EML6: variants seen among roughly 807,000 people sequenced by gnomAD.
EML6 encodes the protein EMAP like 6.
In EML6, 154 loss-of-function variants were observed where a neutral mutation model predicts 240.1. The ratio of observed to expected loss-of-function variants is 0.64; its 90% confidence interval spans 0.56 to 0.73. The LOEUF (loss-of-function observed/expected upper bound fraction) is 0.73, where lower values mean the gene tolerates loss of function less well. EML6 is among the 30% of genes least tolerant of loss of function. The pLI is 0.00. For missense variants in EML6, 2,964 were observed against 2,474.6 expected, an observed-to-expected ratio of 1.20 and a Z score of -4.20; for synonymous variants, 1,148 against 899.0, an observed-to-expected ratio of 1.28 and a Z score of -4.95.
intron 22 of EML6, among the ~76,000 whole-genome samples, chr2:54,902,642 A>G (rs1355941719): frequency 2.0e-5 from 3 of 152,150 alleles, no homozygotes; most frequent in Non-Finnish European, 2.9e-5. Flanking sequence ...CAAGCAATCC[A>G]CCTGCCTTGG....
At chr2:54,723,612 C>A (rs1360862724), upstream of EML6, 1 of 152,278 alleles carries the variant, frequency 6.6e-6, no homozygotes, top group Non-Finnish European at 1.5e-5. Context: ...CGTTGTGGCC[C>A]CGCCCCCGGA....
intron 2 of EML6, among the ~76,000 whole-genome samples, chr2:54,794,284 C>T (rs1432128108): frequency 6.6e-6 from 1 of 152,144 alleles, no homozygotes; most frequent in East Asian, 1.9e-4. Context: ...TACTCAAGTC[C>T]CTGTTAATGT....
At chr2:54,867,948 C>G (rs987841027) in intron 14 of EML6, 2 of 152,144 alleles carry the variant, frequency 1.3e-5, no homozygotes, top group Non-Finnish European at 2.9e-5. Context: ...GGTCCTAAGA[C>G]TCTAACTCAG....
chr2:54,728,684 C>T (rs1160736646), intron 2 of EML6, among the ~76,000 whole-genome samples: 2 of 152,088 alleles, frequency 1.3e-5, no homozygotes, highest in Non-Finnish European at 2.9e-5. Context: ...GGGCCTGGCC[C>T]TTAGTTGGTG....
In EML6 at chr2:54,724,131, G is replaced by A. The variant is rs1426481575; in HGVS notation, c.-514+354G>A. Among the ~76,000 whole-genome samples, 1 of 152,172 alleles carries A rather than the reference G, an allele frequency of 6.6e-6. No homozygotes were observed. The highest frequency in any genetic ancestry group is 1.9e-4 in the East Asian group (1 of 5,182). On this transcript the variant is annotated intron_variant, in intron 1 of 41. Coordinates refer to ENST00000356458, the MANE Select transcript of EML6 (RefSeq NM_001039753.4). The surrounding 1 kb of genome is among the most constrained non-coding windows in gnomAD (Gnocchi z 5.2). ...TAGCGCACTCCCTCCGACTGCACTA[G>A]TGCCTCGTTTCTTCCGAGTAAGACA...
At chr2:54,862,664 G>T (rs1481670634) in intron 12 of EML6, among the ~76,000 whole-genome samples, 1 of 152,114 alleles carries the variant, frequency 6.6e-6, no homozygotes, top group Non-Finnish European at 1.5e-5. Context: ...CCAAATCTAG[G>T]AAGCGCAAAG....
At chr2:54,782,503 A>G (rs1052730669) in intron 2 of EML6, among the ~76,000 whole-genome samples, 5 of 152,128 alleles carry the variant, frequency 3.3e-5, no homozygotes, top group Non-Finnish European at 7.4e-5. Context: ...TACTTCTTAG[A>G]TCTTGTTCTT....
At chr2:54,968,537 G>A in intron 40 of EML6, 131 bp from the exon 41 acceptor site, 2 of 684,346 alleles carry the variant, frequency 2.9e-6, no homozygotes, top group Admixed American at 2.5e-5. Context: ...GCTAATAGAT[G>A]AGTCCAGACC....
intron 24 of EML6, 60 bp downstream of exon 24, chr2:54,903,562 C>A: frequency 6.0e-6 from 8 of 1,325,216 alleles, no homozygotes; most frequent in East Asian, 6.8e-5. Context: ...TCCATTTATG[C>A]ATTGTTTCTA....
intron 2 of EML6, among the ~76,000 whole-genome samples, chr2:54,790,165 AAG>A (rs1288711568): frequency 2.0e-5 from 3 of 152,228 alleles, no homozygotes; most frequent in Non-Finnish European, 4.4e-5. Context: ...TGATTTTTAT[AAG>A]AGAGATTGAA....
Position 54,964,143 on chromosome 2 carries a change from C to G in EML6, c.5315C>G (p.Ala1772Gly). The G allele has an allele frequency of 1.3e-6, 2 of 1,551,574 alleles. No individual in the cohort carries two copies. The highest frequency in any genetic ancestry group is 1.7e-6 in the Non-Finnish European group (2 of 1,146,926). ...VWGKKRDRKS[A>G]IQDIRISPDN... The stretch of plus-strand genomic sequence containing the variant: ...GGGAAAAAACGAGACCGGAAATCTG[C>G]TATCCAAGATATCAGGTACCTAAGT... Residue 1772 changes from alanine (A) to glycine (G), a missense_variant, in exon 37 of 42, where the codon GCT becomes GGT. By Grantham distance (60) the Ala-to-Gly change is moderately conservative (BLOSUM62 0). Coordinates refer to ENST00000356458, the MANE Select transcript of EML6 (RefSeq NM_001039753.4).
At chr2:54,833,517 A>G (rs1462401488) in intron 7 of EML6, among the ~76,000 whole-genome samples, 1 of 152,198 alleles carries the variant, frequency 6.6e-6, no homozygotes, top group Non-Finnish European at 1.5e-5. Context: ...CAGTAAAAAC[A>G]ATTAACCCCA....
At chr2:54,935,873 T>G (rs1231134643) in intron 28 of EML6, among the ~76,000 whole-genome samples, 1 of 151,962 alleles carries the variant, frequency 6.6e-6, no homozygotes, top group Non-Finnish European at 1.5e-5. Flanking sequence ...CAAACAAAAT[T>G]TAAAAAATTA....
intron 7 of EML6, among the ~76,000 whole-genome samples, chr2:54,839,948 GTTA>G (rs2103642336): frequency 6.6e-6 from 1 of 152,262 alleles, no homozygotes; most frequent in East Asian, 1.9e-4. Context: ...CAGGTTGTGG[GTTA>G]TTATAATCTT....
At chr2:54,865,586 G>A (rs568023540) in intron 13 of EML6, among the ~76,000 whole-genome samples, 1 of 152,198 alleles carries the variant, frequency 6.6e-6, no homozygotes, top group Admixed American at 6.5e-5. Flanking sequence ...GTAAGTACTG[G>A]TTTGATGCTC....
At chr2:54,874,345 T>C (rs1573044494) in intron 16 of EML6, among the ~76,000 whole-genome samples, 1 of 152,198 alleles carries the variant, frequency 6.6e-6, no homozygotes, top group African/African-American at 2.4e-5. Context: ...AATCAGATAC[T>C]CTGGAGGAGG....
At chr2:54,895,432 C>G (rs1258156903) in intron 21 of EML6, 32 bp downstream of exon 21, 1 of 1,549,390 alleles carries the variant, frequency 6.5e-7, no homozygotes, top group Non-Finnish European at 8.7e-7. Context: ...AACTGCAGTT[C>G]ACATCAAGGC....
chr2:54,826,151 T>A (rs1046371858), intron 5 of EML6, among the ~76,000 whole-genome samples: 1 of 152,214 alleles, frequency 6.6e-6, no homozygotes, highest in African/African-American at 2.4e-5. Flanking sequence ...CTAACCCCAT[T>A]GAACCCTTAT....
chr2:54,752,365 T>C (rs1684215235), intron 2 of EML6, among the ~76,000 whole-genome samples: 1 of 152,160 alleles, frequency 6.6e-6, no homozygotes, highest in African/African-American at 2.4e-5. Flanking sequence ...TGATGAAATT[T>C]AGCAAGGTTA....
Sources: gnomAD v4.1 joint callset for allele counts (sites outside exome capture counted in the v4.1 genomes callset) on GRCh38, gnomAD v4.1.1 for gene constraint, Gnocchi (gnomAD v3.1) non-coding constraint, MANE v1.5 for transcripts, NCBI Gene and HGNC (gene_info 2026-07-23, HGNC 2026-07-21) for gene names.